Variants in PHACTR2 observed in about 807,000 individuals in gnomAD.
The protein encoded by PHACTR2 is phosphatase and actin regulator 2.
PHACTR2 carries 30 observed loss-of-function variants against 76.0 expected under a neutral mutation model. The ratio of observed to expected loss-of-function variants is 0.39; its 90% CI spans 0.30 to 0.54. PHACTR2 has a LOEUF of 0.54. Among genes scored for constraint, PHACTR2 ranks in the 20% least tolerant of loss-of-function variants. The pLI, the probability that PHACTR2 is intolerant of heterozygous loss-of-function variation, is 0.61. For missense variants in PHACTR2, 696 were observed against 781.1 expected, an observed-to-expected ratio of 0.89 and a Z score of 1.30; for synonymous variants, 292 against 292.5, an observed-to-expected ratio of 1.00 and a Z score of 0.02.
chr6:143,786,173 T>G (rs1193068112), intron 10 of PHACTR2, among the ~76,000 whole-genome samples: 2 of 152,236 alleles, frequency 1.3e-5, no homozygotes, highest in Non-Finnish European at 2.9e-5. Context: ...ACCTTTTGAA[T>G]GCTTTGCTGC....
chr6:143,665,221 T>C (rs1777013186), intron 1 of PHACTR2, among the ~76,000 whole-genome samples: 1 of 152,268 alleles, frequency 6.6e-6, no homozygotes, highest in African/African-American at 2.4e-5. Context: ...AAGTTGACAG[T>C]TGCTTCTTCA....
Position 143,784,021 on chromosome 6 carries a change from C to T in PHACTR2, c.1707+741C>T, listed in dbSNP as rs915828720. On this transcript the variant is annotated intron_variant, in intron 10 of 12. Coordinates refer to ENST00000440869, the MANE Select transcript of PHACTR2 (RefSeq NM_001100164.2). The surrounding 1 kb of genome is among the most constrained non-coding windows in gnomAD (Gnocchi z 4.5). ...AAGAATTAATTGAAAATTAATCTCG[C>T]TTGATTAGAACAATGAAAAAAAAAA... is the stretch of plus-strand genomic sequence containing the variant. 2.3e-5 allele frequency among the ~76,000 whole-genome samples: 3 copies of T among 133,162 alleles called. No individual in the cohort carries two copies. The highest frequency in any genetic ancestry group is 3.1e-5 in the Non-Finnish European group (2 of 63,826). 87.4% of individuals were successfully genotyped at this position (133,162 alleles called of 152,430 possible).
chr6:143,655,763 C>A (rs1776838421), intron 1 of PHACTR2, among the ~76,000 whole-genome samples: 1 of 152,150 alleles, frequency 6.6e-6, no homozygotes, highest in South Asian at 2.1e-4. Context: ...TACTTTGCAC[C>A]TATTACCACA....
At chr6:143,582,525 G>A (rs559026767) in intron 1 of PHACTR2, among the ~76,000 whole-genome samples, 1 of 151,886 alleles carries the variant, frequency 6.6e-6, no homozygotes, top group Admixed American at 6.5e-5. Context: ...TTTTCCTGAG[G>A]AATGATCAGG....
chr6:143,766,022 A>G (rs1180590794), intron 6 of PHACTR2, among the ~76,000 whole-genome samples: 2 of 152,180 alleles, frequency 1.3e-5, no homozygotes, highest in African/African-American at 4.8e-5. Flanking sequence ...ACCACTTGAG[A>G]TCAATGTTTT....
intron 9 of PHACTR2, among the ~76,000 whole-genome samples, chr6:143,779,895 C>T (rs1183307607): frequency 3.5e-5 from 4 of 113,434 alleles, no homozygotes; most frequent in East Asian, 2.6e-4. Flanking sequence ...ATTACATATA[C>T]GTATTTATAT....
rs1233153135 is a variant in PHACTR2, at chr6:143,557,230, G to C, written c.217+20023G>C. Among the ~76,000 whole-genome samples, 1 of 152,164 alleles carries C rather than the reference G, an allele frequency of 6.6e-6. No individual in the cohort carries two copies. The highest frequency in any genetic ancestry group is 1.5e-5 in the Non-Finnish European group (1 of 68,026). On this transcript the variant is annotated intron_variant, in intron 1 of 11. Transcript: ENST00000367584. This position sits in a 1 kb window ranked among gnomAD's most constrained non-coding sequence, Gnocchi z 5.5. ...ACTAGTATTGCAGAGAAGTTTAAAA[G>C]GATTCTCATCTCTCAACCATATTTC...
At position 143,806,994 on chromosome 6, in the gene PHACTR2, A is replaced by G. The variant is rs372505453; in HGVS notation, c.1846-63A>G. On this transcript the variant is annotated intron_variant, in intron 11 of 12. Coordinates refer to ENST00000440869, the MANE Select transcript of PHACTR2 (RefSeq NM_001100164.2). The surrounding 1 kb of genome is among the most constrained non-coding windows in gnomAD (Gnocchi z 5.8). ...AAAAGGTCTGCTTCATTGATGCTGT[A>G]TATACTGGGGCAATATATGACCTAA... 1.8e-5 allele frequency: 15 copies of G among 853,206 alleles called. No homozygotes were observed. The highest frequency in any genetic ancestry group is 1.9e-6 in the Non-Finnish European group (1 of 520,218). The allele number at this position is 853,206 out of a possible 1,614,324, so 52.9% of individuals were successfully genotyped here.
Position 143,616,291 on chromosome 6 carries a change from G to C in PHACTR2, c.13+7969G>C, listed in dbSNP as rs1031231499. 8.5e-5 allele frequency among the ~76,000 whole-genome samples: 13 copies of C among 152,096 alleles called. No homozygotes were observed. The highest frequency in any genetic ancestry group is 3.1e-4 in the African/African-American group (13 of 41,412). On this transcript the variant is annotated intron_variant, in intron 1 of 11. Transcript: ENST00000305766. The surrounding 1 kb of genome is among the most constrained non-coding windows in gnomAD (Gnocchi z 4.9). The stretch of plus-strand genomic sequence containing the variant: ...TTTAGAATCATAATTTCCTTTCTTA[G>C]ACCTGAATCATTCAGTCCTGGCACA...
At chr6:143,576,875 CAAA>C (rs35937662) in intron 1 of PHACTR2, among the ~76,000 whole-genome samples, 238 of 102,358 alleles carry the variant, frequency 2.3e-3, no homozygotes, top group East Asian at 0.01. Flanking sequence ...GACTCTGTCT[CAAA>C]AAAAAAAAAA....
intron 11 of PHACTR2, among the ~76,000 whole-genome samples, chr6:143,799,022 C>G (rs1411655193): frequency 6.6e-6 from 1 of 152,156 alleles, no homozygotes; most frequent in East Asian, 1.9e-4. Context: ...GTCCTGGACT[C>G]TTTTTGGTTG....
rs574476321 is a variant in PHACTR2 at position 143,582,665 on chromosome 6, T to A, written c.217+45458T>A. 3.3e-5 allele frequency among the ~76,000 whole-genome samples: 5 copies of A among 152,320 alleles called. No individual in the cohort carries two copies. In the South Asian group the frequency reaches 1.0e-3, roughly 32 times the overall value. On this transcript the variant is annotated intron_variant, in intron 1 of 11. Coordinates refer to the PHACTR2 transcript ENST00000367584. ...AGAAATTACAGGGTATTATTCATAT[T>A]TGTAAACAGTTTTAATGACATGGGA...
At chr6:143,711,519 A>G (rs1778176420) in intron 1 of PHACTR2, among the ~76,000 whole-genome samples, 1 of 152,262 alleles carries the variant, frequency 6.6e-6, no homozygotes, top group African/African-American at 2.4e-5. Flanking sequence ...TAATAGAAGC[A>G]AAAGATAGTT....
At position 143,561,087 on chromosome 6, in the gene PHACTR2, G is replaced by A. The variant is rs1309751918; in HGVS notation, c.217+23880G>A. The stretch of plus-strand genomic sequence containing the variant: ...GTCTTAGGACAAGATAGGCTTCACT[G>A]GCTGCCAGCCTGGGCCAGGCCCCAC... On this transcript the variant is annotated intron_variant, in intron 1 of 11. Transcript: ENST00000367584. The surrounding 1 kb of genome is among the most constrained non-coding windows in gnomAD (Gnocchi z 4.1). The A allele has an allele frequency of 4.6e-5, 7 of 152,972 alleles. No individual in the cohort carries two copies. Among genetic ancestry groups the A allele is most frequent in the South Asian group, 2.1e-4 (1 of 4,842 alleles). 9.5% of individuals were successfully genotyped at this position (152,972 alleles called of 1,614,324 possible). A position where few individuals can be genotyped will look rare whatever the true frequency, so the allele number is the denominator to read the frequency against.
At chr6:143,773,945 C>G in intron 7 of PHACTR2, 114 bp from the exon 8 acceptor site, 1 of 733,332 alleles carries the variant, frequency 1.4e-6, no homozygotes, top group Non-Finnish European at 2.2e-6. Flanking sequence ...TCTCCTCCTG[C>G]ATGAGGAGAA....
rs1409910174 is a variant in PHACTR2, at chr6:143,722,006, T to C, written c.214+9823T>C. Among the ~76,000 whole-genome samples the C allele has an allele frequency of 6.6e-6, 1 of 152,176 alleles. No homozygotes were observed. Among genetic ancestry groups the C allele is most frequent in the East Asian group, 1.9e-4 (1 of 5,200 alleles). On this transcript the variant is annotated intron_variant, in intron 2 of 12. Coordinates refer to ENST00000440869, the MANE Select transcript of PHACTR2 (RefSeq NM_001100164.2). This position sits in a 1 kb window ranked among gnomAD's most constrained non-coding sequence, Gnocchi z 4.1. ...ATTATTTCTACTTCACCAACCACAT[T>C]TTCAGTATTTAGAATTAAGTCTAGA...
intron 7 of PHACTR2, among the ~76,000 whole-genome samples, chr6:143,773,788 T>C (rs1176981247): frequency 6.6e-6 from 1 of 152,238 alleles, no homozygotes; most frequent in African/African-American, 2.4e-5. Context: ...ACTGCAGCTA[T>C]CACTTTCCAA....
At position 143,703,224 on chromosome 6, in the gene PHACTR2, A is replaced by T. The variant is rs544423649; in HGVS notation, c.47-8792A>T. Among the ~76,000 whole-genome samples, 26 of 151,268 alleles carry T rather than the reference A, an allele frequency of 1.7e-4. No individual in the cohort carries two copies. In the East Asian group the frequency reaches 4.5e-3, roughly 26 times the overall value. ...GCTGCTGGAAGTCAAAATAGTGGTT[A>T]TCTGGGGGAATAGAGGTGAGAGGGT... On this transcript the variant is annotated intron_variant, in intron 1 of 12. Coordinates refer to ENST00000440869, the MANE Select transcript of PHACTR2 (RefSeq NM_001100164.2).
At chr6:143,704,095 C>CTGTGTGTGTG (rs759683885) in intron 1 of PHACTR2, among the ~76,000 whole-genome samples, 2 of 144,128 alleles carry the variant, frequency 1.4e-5, no homozygotes, top group Non-Finnish European at 3.0e-5. Context: ...GTGTGTGTGT[C>CTGTGTGTGTG]TGTGTGTGTG....
Sources: allele counts gnomAD v4.1 joint callset (sites outside exome capture counted in the v4.1 genomes callset), GRCh38; gene constraint gnomAD v4.1.1; non-coding constraint Gnocchi (gnomAD v3.1); transcripts MANE v1.5; gene names NCBI Gene and HGNC (gene_info 2026-07-23, HGNC 2026-07-21).